The following PLPP1 variants were observed in gnomAD, a reference collection of about 807,000 sequenced individuals.
PLPP1 encodes the protein phospholipid phosphatase 1, also known as lipid phosphate phosphohydrolase 1a.
A neutral mutation model predicts 31.2 loss-of-function variants in PLPP1; 24 were observed. That is an observed-to-expected ratio of 0.77 (90% CI 0.56 to 1.08). The LOEUF is 1.08. Among genes scored for constraint, PLPP1 ranks in the 50% least tolerant of loss-of-function variants. The pLI is 0.00. For missense variants in PLPP1, 319 were observed against 342.7 expected (o/e 0.93, Z 0.55); for synonymous variants, 146 against 126.3 (o/e 1.16, Z -1.05).
intron 3 of PLPP1, among the ~76,000 whole-genome samples, chr5:55,450,399 T>C (rs1751866623): frequency 1.3e-5 from 2 of 152,204 alleles, no homozygotes; most frequent in Non-Finnish European, 2.9e-5. Flanking sequence ...ATCATGTGTG[T>C]CTTCTGTTTC....
chr5:55,448,240 A>C (rs1751812680), intron 3 of PLPP1, among the ~76,000 whole-genome samples: 1 of 152,206 alleles, frequency 6.6e-6, no homozygotes, highest in Admixed American at 6.5e-5. Context: ...CACATCTAAG[A>C]TACTTAAGGA....
At chr5:55,514,899 C>A (rs1022368987) in intron 1 of PLPP1, among the ~76,000 whole-genome samples, 1 of 152,164 alleles carries the variant, frequency 6.6e-6, no homozygotes, top group South Asian at 2.1e-4. Flanking sequence ...TGAAACTACA[C>A]AATAAACAAC....
chr5:55,480,035 G>C (rs1156753360), intron 1 of PLPP1, among the ~76,000 whole-genome samples: 3 of 152,164 alleles, frequency 2.0e-5, no homozygotes, highest in Admixed American at 6.5e-5. Context: ...ACCAGACACA[G>C]TGTACAAAAG....
intron 1 of PLPP1, among the ~76,000 whole-genome samples, chr5:55,496,815 G>T (rs1407531605): frequency 1.3e-5 from 2 of 152,098 alleles, no homozygotes; most frequent in Non-Finnish European, 2.9e-5. Context: ...CCTCAATTCA[G>T]TGATAATTGA....
intron 4 of PLPP1, among the ~76,000 whole-genome samples, chr5:55,436,713 C>T (rs1435976944): frequency 1.3e-5 from 2 of 152,190 alleles, no homozygotes; most frequent in African/African-American, 4.8e-5. Flanking sequence ...GAACAAATTA[C>T]AAGGTATGCC....
chr5:55,467,921 A>G lies in PLPP1; in HGVS notation c.439T>C (p.Tyr147His). The change falls in exon 3 of 6, where the codon TAC becomes CAC. Residue 147 changes from tyrosine (Y) to histidine (H), a missense_variant. Physicochemically the swap from Tyr to His is moderately conservative, Grantham distance 83. Coordinates refer to ENST00000307259, the MANE Select transcript of PLPP1 (RefSeq NM_003711.4). Reference protein sequence around the residue: ...DWSKINCSDGYIEYYICRGNA... With the variant: ...DWSKINCSDGHIEYYICRGNA... ...CCTCGACATATGTAGTATTCAATGT[A>G]ACCATCGCTGCAGTTGATTTTTGAC... The G allele has an allele frequency of 6.2e-7, 1 of 1,614,188 alleles. No individual in the cohort carries two copies.
At chr5:55,490,932 A>G (rs1420832339) in intron 1 of PLPP1, 13 of 1,592,768 alleles carry the variant, frequency 8.2e-6, no homozygotes, top group Non-Finnish European at 1.1e-5. Flanking sequence ...CAACAAACCC[A>G]TCACTACCTA....
In PLPP1 at chr5:55,475,404, T is replaced by C. The variant is rs779932861; in HGVS notation, c.105A>G (p.Gln35=). ...AILTSRHTPF[Q]RGVFCNDESI... is the part of the protein sequence containing the mutation. The stretch of plus-strand genomic sequence containing the variant: ...ACTCATCATTACAGAATACTCCTCG[T>C]TGGAAGGGGGTATGCCTTGAAGTAA... The change falls in exon 2 of 6, where the codon CAA becomes CAG. Residue 35 remains glutamine (Q), a synonymous_variant. Transcript: ENST00000307259. 2 of 1,612,876 alleles carry C rather than the reference T, an allele frequency of 1.2e-6. No homozygotes were observed. Among genetic ancestry groups the C allele is most frequent in the South Asian group, 1.1e-5 (1 of 90,850 alleles).
intron 2 of PLPP1, 180 bp from the exon 3 acceptor site, chr5:55,468,329 A>G (rs911674174): frequency 3.6e-6 from 2 of 556,802 alleles, no homozygotes; most frequent in Non-Finnish European, 6.2e-6. Flanking sequence ...TCTAAACCAC[A>G]AAACAGGTGT....
chr5:55,429,444 A>G (rs1323330479), intron 4 of PLPP1, among the ~76,000 whole-genome samples: 1 of 152,070 alleles, frequency 6.6e-6, no homozygotes, highest in Non-Finnish European at 1.5e-5. Context: ...TTGGTTGGGG[A>G]GGCTCCCCCA....
At position 55,491,034 on chromosome 5, in the gene PLPP1, T is replaced by G. The variant is rs777487238; in HGVS notation, c.59-15584A>C. 2.5e-6 allele frequency: 4 copies of G among 1,613,662 alleles called. No homozygotes were observed. In the East Asian group the frequency reaches 8.9e-5, roughly 36 times the overall value. The stretch of plus-strand genomic sequence containing the variant: ...ACGGTACTGTCATGGTACGGATAGT[T>G]GATGCTGTTGTCTTTACAGAAAAAG... On this transcript the variant is annotated intron_variant, in intron 1 of 5. Coordinates refer to ENST00000307259, the MANE Select transcript of PLPP1 (RefSeq NM_003711.4).
intron 1 of PLPP1, among the ~76,000 whole-genome samples, chr5:55,477,550 C>T (rs1752580927): frequency 1.3e-5 from 2 of 151,820 alleles, no homozygotes; most frequent in South Asian, 2.1e-4. Flanking sequence ...CCCACCACCA[C>T]GCCCAGCTAA....
chr5:55,521,083 T>G (rs12651831), intron 1 of PLPP1, among the ~76,000 whole-genome samples: 1 of 151,918 alleles, frequency 6.6e-6, no homozygotes, highest in Non-Finnish European at 1.5e-5. Flanking sequence ...CTGGGGGCGG[T>G]GGCTCATGCC....
intron 2 of PLPP1, 71 bp from the exon 3 acceptor site, chr5:55,468,220 G>T: frequency 7.4e-7 from 1 of 1,342,434 alleles, no homozygotes; most frequent in Non-Finnish European, 1.0e-6. Flanking sequence ...AAACATAGGG[G>T]GAAAAAAGGA....
chr5:55,480,110 G>A (rs1752639786), intron 1 of PLPP1, among the ~76,000 whole-genome samples: 1 of 152,006 alleles, frequency 6.6e-6, no homozygotes, highest in Non-Finnish European at 1.5e-5. Context: ...TGAAGATTAA[G>A]GCAAAAGTGA....
At chr5:55,472,736 GGAAGAGGAAGAAGAGGAA>G (rs1752446166) in intron 2 of PLPP1, among the ~76,000 whole-genome samples, 1 of 128,968 alleles carries the variant, frequency 7.8e-6, no homozygotes, top group Admixed American at 8.4e-5. Flanking sequence ...AGGAAGAGGA[GGAAGAGGAAGAAGAGGAA>G]GAGGAAGAAG....
At chr5:55,436,951 G>C (rs1751505931) in intron 4 of PLPP1, among the ~76,000 whole-genome samples, 1 of 152,162 alleles carries the variant, frequency 6.6e-6, no homozygotes, top group African/African-American at 2.4e-5. Context: ...CCTCATGAAA[G>C]GGATTAATGA....
At chr5:55,528,341 T>C (rs771781847) in intron 1 of PLPP1, among the ~76,000 whole-genome samples, 14 of 152,234 alleles carry the variant, frequency 9.2e-5, no homozygotes, top group Admixed American at 7.2e-4. Context: ...GCTCTCGTCT[T>C]TGCTCAAAGG....
intron 3 of PLPP1, among the ~76,000 whole-genome samples, chr5:55,465,601 T>A (rs1235845720): frequency 6.6e-6 from 1 of 152,180 alleles, no homozygotes; most frequent in African/African-American, 2.4e-5. Flanking sequence ...CGAATTTGTG[T>A]TGGGCCGCAT....
Sources: gnomAD v4.1 joint callset for allele counts (sites outside exome capture counted in the v4.1 genomes callset) on GRCh38, gnomAD v4.1.1 for gene constraint, MANE v1.5 for transcripts, NCBI Gene and HGNC (gene_info 2026-07-23, HGNC 2026-07-21) for gene names.